ZNF100: variants seen among roughly 807,000 people sequenced by gnomAD.
The protein encoded by ZNF100 is zinc finger protein 100, also known as zinc finger protein 100 (Y1).
ZNF100 carries 12 observed loss-of-function variants against 15.8 expected under a neutral mutation model. The observed-to-expected ratio is 0.76, with a 90% CI of 0.49 to 1.23. ZNF100 has a LOEUF of 1.23. ZNF100 is among the 50% of genes most tolerant of loss of function. The pLI, the probability that ZNF100 is intolerant of heterozygous loss-of-function variation, is 0.00. For missense variants in ZNF100, 670 were observed against 635.6 expected (o/e 1.05, Z -0.58); for synonymous variants, 226 against 214.8 (o/e 1.05, Z -0.45).
At chr19:21,762,882 A>C (rs886478052) in intron 2 of ZNF100, among the ~76,000 whole-genome samples, 2 of 152,090 alleles carry the variant, frequency 1.3e-5, no homozygotes, top group African/African-American at 4.8e-5. Context: ...GGCCATAAAG[A>C]CCTGGCTGAT....
intron 2 of ZNF100, among the ~76,000 whole-genome samples, chr19:21,764,475 C>A (rs2036529621): frequency 6.6e-6 from 1 of 151,996 alleles, no homozygotes; most frequent in African/African-American, 2.4e-5. Context: ...AACCCCGCCT[C>A]TACTAAAAGT....
In ZNF100 at chr19:21,724,802, A is replaced by G. The variant is rs1387112821; in HGVS notation, c.*1881T>C. ...CACGGTGGCTCATGCCTGTAATCCC[A>G]GAACTTTGGGAAGCCGAGGCAGGCA... is the stretch of plus-strand genomic sequence containing the variant. On this transcript the variant is annotated 3_prime_UTR_variant, in exon 5 of 5. Coordinates refer to ENST00000358296, the MANE Select transcript of ZNF100 (RefSeq NM_173531.4). 6.6e-6 allele frequency: 1 copy of G among 152,238 alleles called. No homozygotes were observed. The highest frequency in any genetic ancestry group is 1.9e-4 in the East Asian group (1 of 5,190). The allele number at this position is 152,238 out of a possible 1,614,324, so 9.4% of individuals were successfully genotyped here.
At position 21,727,471 on chromosome 19, in the gene ZNF100, T is replaced by A; in HGVS notation, c.841A>T (p.Ile281Leu). The change falls in exon 5 of 5, where the codon ATA (isoleucine) becomes TTA (leucine). Residue 281 changes from isoleucine to leucine, a missense_variant. Physicochemically the swap from Ile to Leu is conservative, Grantham distance 5. Coordinates refer to ENST00000358296, the MANE Select transcript of ZNF100 (RefSeq NM_173531.4). ...TATGGTTTCTCTCCAGTATGAATTA[T>A]CTTATGTGTAGTAAGGTGTGAGGAC... Reference protein sequence around the residue: ...NRSSHLTTHKIIHTGEKPYRC... With the variant: ...NRSSHLTTHKLIHTGEKPYRC... 1 of 1,613,508 alleles carries A rather than the reference T, an allele frequency of 6.2e-7. No homozygotes were observed. The highest frequency in any genetic ancestry group is 1.1e-5 in the South Asian group (1 of 91,060).
At chr19:21,745,543 T>C (rs548762932) in intron 2 of ZNF100, among the ~76,000 whole-genome samples, 19 of 150,518 alleles carry the variant, frequency 1.3e-4, no homozygotes, top group Non-Finnish European at 2.5e-4. Flanking sequence ...TGAGACGGAG[T>C]CTCGCTCTGT....
intron 4 of ZNF100, among the ~76,000 whole-genome samples, chr19:21,734,161 C>T (rs2035970131): frequency 1.3e-5 from 2 of 152,146 alleles, no homozygotes; most frequent in Admixed American, 1.3e-4. Context: ...TCTACTCCTC[C>T]AAATAATCAA....
chr19:21,743,853 C>CAAAA (rs55874930), intron 4 of ZNF100, among the ~76,000 whole-genome samples, 164 bp downstream of exon 4: 2 of 96,632 alleles, frequency 2.1e-5, no homozygotes, highest in African/African-American at 8.1e-5. Flanking sequence ...ACGTGACAGC[C>CAAAA]AAAAAAAAAA....
intron 4 of ZNF100, among the ~76,000 whole-genome samples, chr19:21,737,549 AAGAAG>A (rs1345358051): frequency 7.8e-6 from 1 of 127,638 alleles, no homozygotes; most frequent in African/African-American, 3.1e-5. Flanking sequence ...AATAAAAAAA[AAGAAG>A]AAAAAAAAAA....
chr19:21,731,884 A>G (rs1403194850), intron 4 of ZNF100, among the ~76,000 whole-genome samples: 1 of 152,216 alleles, frequency 6.6e-6, no homozygotes, highest in African/African-American at 2.4e-5. Flanking sequence ...TTAGCTTTGC[A>G]AGATAAAACA....
At chr19:21,734,827 A>G (rs1351039425) in intron 4 of ZNF100, among the ~76,000 whole-genome samples, 11 of 152,274 alleles carry the variant, frequency 7.2e-5, no homozygotes, top group South Asian at 4.1e-4. Flanking sequence ...GGTCACCCAG[A>G]AAGGGAAGCC....
At chr19:21,742,138 A>G (rs892543675) in intron 4 of ZNF100, among the ~76,000 whole-genome samples, 9 of 151,964 alleles carry the variant, frequency 5.9e-5, no homozygotes, top group African/African-American at 2.2e-4. Flanking sequence ...TCTTCTAACA[A>G]TAGAAAAAAT....
At chr19:21,761,238 T>G (rs1464488019) in intron 2 of ZNF100, among the ~76,000 whole-genome samples, 3 of 152,210 alleles carry the variant, frequency 2.0e-5, no homozygotes, top group African/African-American at 7.2e-5. Flanking sequence ...TTTTGAACTA[T>G]TCACACCTTT....
rs1406673495 is a variant in ZNF100, at chr19:21,726,748, A to T, written c.1564T>A (p.Phe522Ile). 1.2e-6 allele frequency: 2 copies of T among 1,613,214 alleles called. No individual in the cohort carries two copies. Among genetic ancestry groups the T allele is most frequent in the African/African-American group, 2.7e-5 (2 of 74,874 alleles). Residue 522 changes from phenylalanine (F) to isoleucine (I), a missense_variant, in exon 5 of 5, where the codon TTT becomes ATT. Coordinates refer to ENST00000358296, the MANE Select transcript of ZNF100 (RefSeq NM_173531.4). The part of the protein sequence containing the change: ...SYKWEECGKD[F>I]NQSLSLIKQN... ...TTAATAAGGCTTAGGGACTGGTTAA[A>T]GTCTTTACCACATTCTTCCCATTTG...
rs369593807 is a variant in ZNF100 at position 21,759,355 on chromosome 19, TG to T, written c.96+6338del. Among the ~76,000 whole-genome samples the T allele has an allele frequency of 3.8e-3, 579 of 152,352 alleles. 1 individual carries two copies. Among genetic ancestry groups the T allele is most frequent in the Non-Finnish European group, 6.7e-3 (453 of 68,036 alleles). On this transcript the variant is annotated intron_variant, in intron 2 of 4. Transcript: ENST00000358296. Reference sequence around the variant, plus strand: ...CATATAGATAACCCTGGTAAATAGCTGTGATTAATAAAATTTTTCATCCTCT... The same window carrying T: ...CATATAGATAACCCTGGTAAATAGCTTGATTAATAAAATTTTTCATCCTCT...
chr19:21,755,167 C>T (rs1263130120), intron 2 of ZNF100, among the ~76,000 whole-genome samples: 1 of 151,950 alleles, frequency 6.6e-6, no homozygotes, highest in Non-Finnish European at 1.5e-5. Context: ...CAAACTTAGC[C>T]AGGCATGGTG....
chr19:21,729,070 A>G (rs1373128648), intron 4 of ZNF100, among the ~76,000 whole-genome samples: 1 of 152,016 alleles, frequency 6.6e-6, no homozygotes, highest in Non-Finnish European at 1.5e-5. Flanking sequence ...TATAAGCACA[A>G]TTTCAAAAGT....
chr19:21,744,467 G>T (rs899907909), intron 3 of ZNF100, among the ~76,000 whole-genome samples: 25 of 152,134 alleles, frequency 1.6e-4, no homozygotes, highest in African/African-American at 5.8e-4. Context: ...CCACCTCCTG[G>T]GTTCAAGCAA....
chr19:21,745,313 A>G (rs184615210), intron 2 of ZNF100, among the ~76,000 whole-genome samples: 3 of 152,340 alleles, frequency 2.0e-5, no homozygotes, highest in Admixed American at 1.3e-4. Context: ...AAAGTATAAA[A>G]TTAAGAGCAT....
intron 4 of ZNF100, among the ~76,000 whole-genome samples, chr19:21,737,090 A>T (rs1255799074): frequency 6.6e-6 from 1 of 152,144 alleles, no homozygotes; most frequent in Non-Finnish European, 1.5e-5. Flanking sequence ...CCCTTCAAAA[A>T]AATCAATATA....
intron 2 of ZNF100, among the ~76,000 whole-genome samples, chr19:21,764,808 A>G (rs1157337888): frequency 6.6e-6 from 1 of 152,188 alleles, no homozygotes; most frequent in African/African-American, 2.4e-5. Flanking sequence ...AAATCAATGT[A>G]ACAGGATCTG....
Sources: allele counts gnomAD v4.1 joint callset (sites outside exome capture counted in the v4.1 genomes callset), GRCh38; gene constraint gnomAD v4.1.1; transcripts MANE v1.5; gene names NCBI Gene and HGNC (gene_info 2026-07-23, HGNC 2026-07-21).